WIZ: variants seen among roughly 807,000 people sequenced by gnomAD.
WIZ encodes WIZ zinc finger.
WIZ carries 25 observed loss-of-function variants against 140.2 expected under a neutral mutation model. That is an observed-to-expected ratio of 0.18 (90% confidence interval 0.13 to 0.25). WIZ has a LOEUF of 0.25. WIZ is among the 10% of genes least tolerant of loss of function. The probability of loss-of-function intolerance (pLI) is 1.00; values close to 1 mark genes in which losing one functional copy is unlikely to be tolerated. For missense variants in WIZ, 2,231 were observed against 2,632.6 expected (o/e 0.85, Z 3.34); for synonymous variants, 1,125 against 1,154.3 (o/e 0.97, Z 0.51).
rs1359573535 is a variant in WIZ at position 15,442,178 on chromosome 19, C to T, written c.278+498G>A. 8.9e-6 allele frequency among the ~76,000 whole-genome samples: 1 copy of T among 111,918 alleles called. No individual in the cohort carries two copies. Among genetic ancestry groups the T allele is most frequent in the Non-Finnish European group, 1.8e-5 (1 of 54,292 alleles). The allele number at this position is 111,918 out of a possible 152,430, so 73.4% of individuals were successfully genotyped here. A position where few individuals can be genotyped will look rare whatever the true frequency, so the allele number is the denominator to read the frequency against. On this transcript the variant is annotated intron_variant, in intron 3 of 12. Coordinates refer to ENST00000673675, the MANE Select transcript of WIZ (RefSeq NM_001371589.1). This position sits in a 1 kb window ranked among gnomAD's most constrained non-coding sequence, Gnocchi z 5.5. ...CTCCAGCCTGGGCGATAGAGTGAGA[C>T]TTTCTCAAAAAAAAAAAAAAAAGAT...
Position 15,428,333 on chromosome 19 carries a change from G to A in WIZ, c.3591C>T (p.Gly1197=), listed in dbSNP as rs543188128. 5.0e-5 allele frequency: 76 copies of A among 1,534,766 alleles called. No homozygotes were observed. In the East Asian group the frequency reaches 8.3e-4, roughly 17 times the overall value. The change falls in exon 8 of 13, where the codon GGC becomes GGT. Residue 1197 remains glycine (G), a synonymous_variant. Transcript: ENST00000673675. This position sits in a 1 kb window ranked among gnomAD's most constrained non-coding sequence, Gnocchi z 6.4. ...GCCTGGGTGGGAGGCGGATCTGGACGCCGTCCCTCCTGATGAGCCCGTGGA... is the reference window on the plus strand; with the variant it reads ...GCCTGGGTGGGAGGCGGATCTGGACACCGTCCCTCCTGATGAGCCCGTGGA... The part of the protein sequence containing the change: ...DVLHGLIRRD[G]VQIRLPPRRG...
Position 15,439,648 on chromosome 19 carries a change from G to C in WIZ, c.1346C>G (p.Ala449Gly), listed in dbSNP as rs1010776664. The change falls in exon 4 of 13, where the codon GCC (alanine) becomes GGC (glycine). Residue 449 changes from alanine to glycine, a missense_variant. Around this residue, in one of 15 missense-constraint regions of WIZ, gnomAD observed 475 missense variants for 520.2 expected, o/e 0.91. Coordinates refer to ENST00000673675, the MANE Select transcript of WIZ (RefSeq NM_001371589.1). The surrounding 1 kb of genome is among the most constrained non-coding windows in gnomAD (Gnocchi z 7.0). ...GTAGGGCTGATAGAGGAGGGCGCTG[G>C]CCTCAGGGCTGGGGCTGCCAGCCCC... ...SSGAGSPSPE[A>G]SALLYQPYGA... is the part of the protein sequence containing the mutation. The C allele has an allele frequency of 8.7e-6, 13 of 1,495,862 alleles. No homozygotes were observed. The highest frequency in any genetic ancestry group is 1.2e-5 in the Non-Finnish European group (13 of 1,128,758). The allele number at this position is 1,495,862 out of a possible 1,614,324, so 92.7% of individuals were successfully genotyped here.
Position 15,424,964 on chromosome 19 carries a change from G to A in WIZ, c.4963C>T (p.Arg1655Trp). The change falls in exon 11 of 13, where the codon CGG becomes TGG. Residue 1655 changes from arginine to tryptophan, a missense_variant. By Grantham distance (101) the Arg-to-Trp change is moderately radical. Around this residue, in one of 15 missense-constraint regions of WIZ, gnomAD observed 18 missense variants for 61.4 expected, o/e 0.29. Transcript: ENST00000673675. The surrounding 1 kb of genome is among the most constrained non-coding windows in gnomAD (Gnocchi z 9.7). ...ACGCCGAACTGCCGCAGGTGTGCCC[G>A]TGCGTGGCTGGCCAGGGCCTTGCGG... is the stretch of plus-strand genomic sequence containing the variant. Reference protein sequence around the residue: ...ENRKALASHARAHLRQFGVTE... With the variant: ...ENRKALASHAWAHLRQFGVTE... 1 of 1,606,554 alleles carries A rather than the reference G, an allele frequency of 6.2e-7. No homozygotes were observed. Among genetic ancestry groups the A allele is most frequent in the Non-Finnish European group, 8.5e-7 (1 of 1,177,466 alleles).
At position 15,448,237 on chromosome 19, in the gene WIZ, G is replaced by A. The variant is rs766016080; in HGVS notation, c.71C>T (p.Pro24Leu). ...ACCCTCGATGTTCTCCCTTGGCGCCGGGCCAGGCAGTCTCTCTGGGCCTTG... is the reference window on the plus strand; with the variant it reads ...ACCCTCGATGTTCTCCCTTGGCGCCAGGCCAGGCAGTCTCTCTGGGCCTTG... ...RPQGPERLPGPAPRENIEGGA... is the reference protein window; with the variant it reads ...RPQGPERLPGLAPRENIEGGA... Residue 24 changes from proline to leucine, a missense_variant, in exon 2 of 13, where the codon CCG becomes CTG. Pro to Leu is a moderately conservative substitution (Grantham distance 98). Around this residue, in one of 15 missense-constraint regions of WIZ, gnomAD observed 85 missense variants for 90.9 expected, o/e 0.94. Coordinates refer to ENST00000673675, the MANE Select transcript of WIZ (RefSeq NM_001371589.1). 63 of 1,613,364 alleles carry A rather than the reference G, an allele frequency of 3.9e-5. No homozygotes were observed. In the South Asian group the frequency reaches 4.8e-4, roughly 12 times the overall value.
Position 15,430,001 on chromosome 19 carries a change from C to T in WIZ, c.3000G>A (p.Gln1000=). The T allele has an allele frequency of 6.5e-7, 1 of 1,536,038 alleles. No individual in the cohort carries two copies. The change falls in exon 7 of 13, where the codon CAG becomes CAA. Residue 1000 remains glutamine, a synonymous_variant. Coordinates refer to ENST00000673675, the MANE Select transcript of WIZ (RefSeq NM_001371589.1). ...LSSHARSHLR[Q]LGVAESESSG... is the part of the protein sequence containing the mutation. ...TGCTTTCCGACTCTGCCACTCCCAG[C>T]TGCCGCAGGTGGGAGCGCGCGTGGC...
chr19:15,432,534 CGGGGGT>C, intron 5 of WIZ: 1 of 118,552 alleles, frequency 8.4e-6, no homozygotes, highest in Non-Finnish European at 1.6e-5. Flanking sequence ...GCGGCGGCGG[CGGGGGT>C]GGGGGCGGCG....
rs374089802 is a variant in WIZ at position 15,427,061 on chromosome 19, C to T, written c.4287G>A (p.Pro1429=). The change falls in exon 9 of 13, where the codon CCG becomes CCA. Residue 1429 remains proline (P), a synonymous_variant. Transcript: ENST00000673675. The surrounding 1 kb of genome is among the most constrained non-coding windows in gnomAD (Gnocchi z 6.4). ...IRVEIKREML[P]GALHGELHPS... is the part of the protein sequence containing the mutation. ...GGTGCAGTTCCCCATGAAGGGCCCC[C>T]GGCAGCATCTCCCGCTTGATCTCCA... The T allele has an allele frequency of 1.3e-4, 211 of 1,614,196 alleles. No homozygotes were observed. The East Asian group carries it at 3.1e-3, about 24-fold the overall frequency.
At chr19:15,432,858 T>C (rs1035468302) in intron 5 of WIZ, among the ~76,000 whole-genome samples, 1 of 151,036 alleles carries the variant, frequency 6.6e-6, no homozygotes, top group African/African-American at 2.4e-5. Flanking sequence ...GAGCGCCGAG[T>C]GCCACGAGCG....
intron 4 of WIZ, 91 bp downstream of exon 4, chr19:15,438,487 C>A (rs902779309): frequency 4.4e-6 from 6 of 1,362,544 alleles, no homozygotes; most frequent in Non-Finnish European, 5.8e-6. Flanking sequence ...CCCCAGTGTC[C>A]CCCTGCTTGG....
chr19:15,436,294 A>C (rs1969514177), intron 5 of WIZ, among the ~76,000 whole-genome samples: 1 of 152,206 alleles, frequency 6.6e-6, no homozygotes, highest in Non-Finnish European at 1.5e-5. Context: ...AGTTCTATAC[A>C]ACAATGCTTC....
Position 15,440,736 on chromosome 19 carries a change from G to A in WIZ, c.279-21C>T, listed in dbSNP as rs1969712924. ...AGCAGCTGCAAGGAAGTGCCAATGGGGACAGGTTAGCCATGGGCTGCAGTT... is the reference window on the plus strand; with the variant it reads ...AGCAGCTGCAAGGAAGTGCCAATGGAGACAGGTTAGCCATGGGCTGCAGTT... On this transcript the variant is annotated intron_variant, in intron 3 of 12. Coordinates refer to ENST00000673675, the MANE Select transcript of WIZ (RefSeq NM_001371589.1). This position sits in a 1 kb window ranked among gnomAD's most constrained non-coding sequence, Gnocchi z 6.2. 2 of 1,467,846 alleles carry A rather than the reference G, an allele frequency of 1.4e-6. No homozygotes were observed. The highest frequency in any genetic ancestry group is 1.8e-6 in the Non-Finnish European group (2 of 1,111,750). The allele number at this position is 1,467,846 out of a possible 1,614,324, so 90.9% of individuals were successfully genotyped here.
In WIZ at chr19:15,424,563, G is replaced by A. The variant is rs772328134; in HGVS notation, c.5314+50C>T. 11 of 1,542,856 alleles carry A rather than the reference G, an allele frequency of 7.1e-6. No individual in the cohort carries two copies. The highest frequency in any genetic ancestry group is 9.6e-6 in the Non-Finnish European group (11 of 1,151,030). ...GAGCGCCTGGGGAGTGGCTGGGTGG[G>A]CCTGACAGGTGCCCGCTGCGCTCCC... On this transcript the variant is annotated intron_variant, in intron 11 of 12. Transcript: ENST00000673675. This position sits in a 1 kb window ranked among gnomAD's most constrained non-coding sequence, Gnocchi z 9.7.
At chr19:15,443,615 C>T (rs1969819355) in intron 2 of WIZ, among the ~76,000 whole-genome samples, 1 of 152,210 alleles carries the variant, frequency 6.6e-6, no homozygotes, top group Non-Finnish European at 1.5e-5. Flanking sequence ...GATTTTCTCT[C>T]TCAGCACCTG....
chr19:15,431,213 A>C, intron 5 of WIZ, 31 bp from the exon 6 acceptor site: 1 of 1,484,088 alleles, frequency 6.7e-7, no homozygotes, highest in South Asian at 1.3e-5. Context: ...CTCAGCCCAG[A>C]CAAATTTCAG....
Position 15,428,358 on chromosome 19 carries a change from A to T in WIZ, c.3566T>A (p.Leu1189His). ...GCCGTCCCTCCTGATGAGCCCGTGGAGCACGTCTATGGGGGATCCCTTGGC... is the reference window on the plus strand; with the variant it reads ...GCCGTCCCTCCTGATGAGCCCGTGGTGCACGTCTATGGGGGATCCCTTGGC... ...PDAKGSPIDV[L>H]HGLIRRDGVQ... The change falls in exon 8 of 13, where the codon CTC becomes CAC. Residue 1189 changes from leucine (L) to histidine (H), a missense_variant. Physicochemically the swap from Leu to His is moderately conservative, Grantham distance 99. Transcript: ENST00000673675. This position sits in a 1 kb window ranked among gnomAD's most constrained non-coding sequence, Gnocchi z 6.4. 1 of 1,535,258 alleles carries T rather than the reference A, an allele frequency of 6.5e-7. No individual in the cohort carries two copies. Among genetic ancestry groups the T allele is most frequent in the Non-Finnish European group, 8.7e-7 (1 of 1,146,642 alleles).
In WIZ at chr19:15,425,413, CAGGCTGAGCTCACGAGGA is replaced by C. The variant is rs1296298709; in HGVS notation, c.4704_4721del (p.Pro1569_Leu1574del). 6.4e-7 allele frequency: 1 copy of C among 1,559,152 alleles called. No individual in the cohort carries two copies. The highest frequency in any genetic ancestry group is 1.4e-5 in the African/African-American group (1 of 73,428). On this transcript the variant is annotated inframe_deletion, in exon 10 of 13. Coordinates refer to ENST00000673675, the MANE Select transcript of WIZ (RefSeq NM_001371589.1). Reference sequence around the variant, plus strand: ...AGGGCTTGGCCCCAGTGATGGGCGTCAGGCTGAGCTCACGAGGAACCTGGGCCGGCCCTGCACCTGGTT... The same window carrying C: ...AGGGCTTGGCCCCAGTGATGGGCGTCACCTGGGCCGGCCCTGCACCTGGTT...
intron 6 of WIZ, 52 bp from the exon 7 acceptor site, chr19:15,430,141 G>C: frequency 6.9e-7 from 1 of 1,453,464 alleles, no homozygotes; most frequent in African/African-American, 1.4e-5. Flanking sequence ...CCACGGCCCA[G>C]CTCTCCCGCT....
chr19:15,448,897 A>C (rs1970012263), intron 1 of WIZ, among the ~76,000 whole-genome samples: 1 of 150,686 alleles, frequency 6.6e-6, no homozygotes, highest in African/African-American at 2.4e-5. Flanking sequence ...CTTTTCCCAC[A>C]CTCCAACCCT....
At chr19:15,434,187 G>A (rs1481579237) in intron 5 of WIZ, among the ~76,000 whole-genome samples, 3 of 151,670 alleles carry the variant, frequency 2.0e-5, no homozygotes, top group Non-Finnish European at 4.4e-5. Context: ...TAACCCGGGA[G>A]GCGGAGGTTG....
Sources: gnomAD v4.1 joint callset for allele counts (sites outside exome capture counted in the v4.1 genomes callset) on GRCh38, gnomAD v4.1.1 for gene constraint, gnomAD v4.1.1 regional missense constraint, Gnocchi (gnomAD v3.1) non-coding constraint, MANE v1.5 for transcripts, NCBI Gene and HGNC (gene_info 2026-07-23, HGNC 2026-07-21) for gene names.